Variants in RBFOX1 observed in about 807,000 individuals in gnomAD.
The protein encoded by RBFOX1 is RNA binding protein fox-1 homolog 1.
RBFOX1 carries 8 observed loss-of-function variants against 57.7 expected under a neutral mutation model. The observed-to-expected ratio is 0.14, with a 90% CI of 0.08 to 0.25. The LOEUF is 0.25. RBFOX1 is among the 10% of genes least tolerant of loss of function. The pLI is 1.00. For synonymous variants in RBFOX1, 326 were observed against 222.4 expected (o/e 1.47, Z -4.15); for missense variants, 611 against 548.5 (o/e 1.11, Z -1.14).
At chr16:7,534,097 T>TTTC (rs1214314657) in intron 5 of RBFOX1, among the ~76,000 whole-genome samples, 4 of 148,262 alleles carry the variant, frequency 2.7e-5, no homozygotes, top group Non-Finnish European at 6.0e-5. Context: ...TTTTTTTTTT[T>TTTC]TTTTTGGACA....
chr16:5,581,251 T>C (rs2046655328), intron 2 of RBFOX1, among the ~76,000 whole-genome samples: 1 of 152,194 alleles, frequency 6.6e-6, no homozygotes, highest in Non-Finnish European at 1.5e-5. Context: ...TATTTTGTCA[T>C]GTGCCAGGGA....
intron 4 of RBFOX1, among the ~76,000 whole-genome samples, chr16:7,354,040 G>A (rs555202091): frequency 6.6e-6 from 1 of 152,052 alleles, no homozygotes; most frequent in African/African-American, 2.4e-5. Context: ...GGCATGATCT[G>A]GGCTCGCTGC....
chr16:5,688,631 C>A (rs918614569), intron 3 of RBFOX1, among the ~76,000 whole-genome samples: 1 of 152,120 alleles, frequency 6.6e-6, no homozygotes, highest in Non-Finnish European at 1.5e-5. Context: ...GGTTGAGGGC[C>A]TGAACTGGGT....
chr16:6,308,757 G>A (rs146146416), intron 1 of RBFOX1, among the ~76,000 whole-genome samples: 4 of 152,220 alleles, frequency 2.6e-5, no homozygotes. Flanking sequence ...CAGGAGTTGT[G>A]GAATAAGAGA....
chr16:7,284,453 C>G (rs1007964193), intron 4 of RBFOX1, among the ~76,000 whole-genome samples: 1 of 152,296 alleles, frequency 6.6e-6, no homozygotes, highest in Admixed American at 6.5e-5. Flanking sequence ...ACCTCAGCCT[C>G]CTGAGTAGCT....
chr16:6,259,393 G>A (rs1467296053), intron 1 of RBFOX1, among the ~76,000 whole-genome samples: 1 of 152,110 alleles, frequency 6.6e-6, no homozygotes, highest in South Asian at 2.1e-4. Context: ...GCCTAAGCAA[G>A]TGAAATAAGC....
At chr16:6,953,135 T>C (rs112908612) in intron 3 of RBFOX1, among the ~76,000 whole-genome samples, 11,054 of 152,178 alleles carry the variant, frequency 0.073, 466 homozygotes, top group South Asian at 0.09. Context: ...CTTAGGTGTA[T>C]GTATGCCTCT....
chr16:5,387,777 A>C (rs1248722726), intron 1 of RBFOX1, among the ~76,000 whole-genome samples: 3 of 152,272 alleles, frequency 2.0e-5, no homozygotes, highest in African/African-American at 7.2e-5. Context: ...AAGGGGCATC[A>C]ATGTTGTGGG....
chr16:5,806,639 A>C (rs1038754708), intron 3 of RBFOX1, among the ~76,000 whole-genome samples: 23 of 152,216 alleles, frequency 1.5e-4, no homozygotes, highest in African/African-American at 5.3e-4. Context: ...ATCAAGCCCA[A>C]GACAGTGAAA....
intron 2 of RBFOX1, among the ~76,000 whole-genome samples, chr16:6,492,215 T>A (rs2095648290): frequency 6.6e-6 from 1 of 152,214 alleles, no homozygotes; most frequent in Non-Finnish European, 1.5e-5. Context: ...ACAGGCATTT[T>A]ATATACTGTT....
At chr16:6,281,907 C>T (rs1340475717) in intron 1 of RBFOX1, among the ~76,000 whole-genome samples, 2 of 151,962 alleles carry the variant, frequency 1.3e-5, no homozygotes, top group Non-Finnish European at 2.9e-5. Context: ...CCCCACTGCC[C>T]GCCTGAGTTG....
chr16:7,016,244 C>T (rs1205139959), intron 3 of RBFOX1, among the ~76,000 whole-genome samples: 2 of 152,062 alleles, frequency 1.3e-5, no homozygotes, highest in Non-Finnish European at 2.9e-5. Flanking sequence ...TTATGTGGAA[C>T]GGGACCTGCC....
chr16:6,347,501 A>G (rs533076171), intron 2 of RBFOX1, among the ~76,000 whole-genome samples: 3 of 152,346 alleles, frequency 2.0e-5, no homozygotes, highest in African/African-American at 7.2e-5. Flanking sequence ...GTTCTTCACT[A>G]TGACAGTGTA....
chr16:5,689,088 G>A (rs2050591831), intron 3 of RBFOX1, among the ~76,000 whole-genome samples: 1 of 152,212 alleles, frequency 6.6e-6, no homozygotes, highest in Non-Finnish European at 1.5e-5. Flanking sequence ...CCAAGGTCGG[G>A]AGGCTTGGTT....
intron 1 of RBFOX1, among the ~76,000 whole-genome samples, chr16:5,294,649 C>G (rs946694862): frequency 6.6e-6 from 1 of 152,088 alleles, no homozygotes; most frequent in Admixed American, 6.6e-5. Context: ...TTTCTGAACA[C>G]CCCTATGTTT....
intron 3 of RBFOX1, among the ~76,000 whole-genome samples, chr16:7,044,195 G>A (rs1266390409): frequency 6.6e-6 from 1 of 152,258 alleles, no homozygotes; most frequent in African/African-American, 2.4e-5. Context: ...GTATGGGTGT[G>A]TATGTGTGTG....
intron 2 of RBFOX1, among the ~76,000 whole-genome samples, chr16:6,589,620 C>G (rs1351577537): frequency 6.6e-6 from 1 of 152,222 alleles, no homozygotes; most frequent in Non-Finnish European, 1.5e-5. Context: ...CAAAATCTTG[C>G]AGCTCCTAGC....
At chr16:6,099,732 G>T (rs960124240) in intron 1 of RBFOX1, among the ~76,000 whole-genome samples, 2 of 152,196 alleles carry the variant, frequency 1.3e-5, no homozygotes, top group Admixed American at 6.5e-5. Flanking sequence ...AGAGGAGACT[G>T]TATACAGGAA....
intron 1 of RBFOX1, among the ~76,000 whole-genome samples, chr16:6,164,231 G>C (rs1044272621): frequency 6.6e-6 from 1 of 152,044 alleles, no homozygotes; most frequent in African/African-American, 2.4e-5. Context: ...GCAGATATTT[G>C]TACTTCTGTA....
Sources: gnomAD v4.1 joint callset for allele counts (sites outside exome capture counted in the v4.1 genomes callset) on GRCh38, gnomAD v4.1.1 for gene constraint, MANE v1.5 for transcripts, NCBI Gene and HGNC (gene_info 2026-07-23, HGNC 2026-07-21) for gene names.